The following KIF20B variants were observed in gnomAD, a reference collection of about 807,000 sequenced individuals.
The protein encoded by KIF20B is kinesin-like protein KIF20B.
A neutral mutation model predicts 232.5 loss-of-function variants in KIF20B; 188 were observed. The ratio of observed to expected loss-of-function variants is 0.81; its 90% CI spans 0.72 to 0.91. The LOEUF is 0.91. KIF20B is among the 40% of genes least tolerant of loss of function. The pLI is 0.00. For synonymous variants in KIF20B, 712 were observed against 683.0 expected (o/e 1.04, Z -0.66); for missense variants, 2,154 against 2,055.9 (o/e 1.05, Z -0.92).
Position 89,717,608 on chromosome 10 carries a change from G to T in KIF20B, c.1157G>T (p.Arg386Leu). The T allele has an allele frequency of 1.9e-6, 3 of 1,610,844 alleles. No individual in the cohort carries two copies. The highest frequency in any genetic ancestry group is 2.2e-5 in the South Asian group (2 of 90,316). Residue 386 changes from arginine to leucine, a missense_variant, in exon 11 of 33, where the codon CGA becomes CTA. Arg to Leu is a moderately radical substitution (Grantham distance 102). Coordinates refer to ENST00000371728, the MANE Select transcript of KIF20B (RefSeq NM_001284259.2). ...TTATGTGATCTTGCTGGTTCAGAAC[G>T]AACTATGAAGACACAGAATGAAGGT... ...LSLCDLAGSE[R>L]TMKTQNEGER... is the part of the protein sequence containing the mutation.
intron 16 of KIF20B, 86 bp downstream of exon 16, chr10:89,726,607 T>G (rs1409285481): frequency 8.7e-7 from 1 of 1,148,192 alleles, no homozygotes; most frequent in African/African-American, 1.6e-5. Flanking sequence ...ATGTAGCTCA[T>G]TTACCGTAGT....
chr10:89,711,505 C>T (rs1049465057), intron 6 of KIF20B, among the ~76,000 whole-genome samples: 8 of 151,916 alleles, frequency 5.3e-5, no homozygotes, highest in Non-Finnish European at 1.2e-4. Flanking sequence ...TAAAAGTTTC[C>T]TTTAATTTCA....
In KIF20B at chr10:89,715,193, G is replaced by A; in HGVS notation, c.940+11G>A. On this transcript the variant is annotated intron_variant, in intron 8 of 32. Coordinates refer to ENST00000371728, the MANE Select transcript of KIF20B (RefSeq NM_001284259.2). ...ATTCTTTTATAAAAGGTATACTAAT[G>A]AATATTTTTATCTTATTGCTCTGAA... 6.6e-7 allele frequency: 1 copy of A among 1,507,094 alleles called. No homozygotes were observed. The highest frequency in any genetic ancestry group is 9.1e-7 in the Non-Finnish European group (1 of 1,095,666). 93.4% of individuals were successfully genotyped at this position (1,507,094 alleles called of 1,614,324 possible).
intron 28 of KIF20B, among the ~76,000 whole-genome samples, chr10:89,760,904 A>C (rs911550356): frequency 6.6e-6 from 1 of 152,194 alleles, no homozygotes; most frequent in Non-Finnish European, 1.5e-5. Context: ...TACTAATGAG[A>C]AAATAGGGAT....
At chr10:89,710,217 T>TTC (rs1842809154) in intron 5 of KIF20B, 152 bp downstream of exon 5, 1 of 340,970 alleles carries the variant, frequency 2.9e-6, no homozygotes, top group East Asian at 5.1e-5. Flanking sequence ...GTATTGCTGT[T>TTC]TTTTTTTTTT....
chr10:89,710,213 CTG>C, intron 5 of KIF20B, 148 bp downstream of exon 5: 1 of 441,206 alleles, frequency 2.3e-6, no homozygotes, highest in Non-Finnish European at 3.5e-6. Context: ...TTACGTATTG[CTG>C]TTTTTTTTTT....
chr10:89,751,412 A>C lies in KIF20B; in HGVS notation c.4163A>C (p.Gln1388Pro). ...ACACTAGAAGAACAGGAACAAACTC[A>C]GGTAGAACAGGATCAAGTGCTTGAG... ...RMTLEEQEQT[Q>P]VEQDQVLEAK... Residue 1388 changes from glutamine to proline, a missense_variant, in exon 24 of 33, where the codon CAG (glutamine) becomes CCG (proline). By Grantham distance (76) the Gln-to-Pro change is moderately conservative (BLOSUM62 -1). Coordinates refer to ENST00000371728, the MANE Select transcript of KIF20B (RefSeq NM_001284259.2). 4.4e-6 allele frequency: 7 copies of C among 1,607,888 alleles called. No individual in the cohort carries two copies. Among genetic ancestry groups the C allele is most frequent in the African/African-American group, 1.3e-5 (1 of 74,930 alleles).
intron 29 of KIF20B, among the ~76,000 whole-genome samples, chr10:89,767,144 A>G (rs1842378641): frequency 6.6e-6 from 1 of 150,520 alleles, no homozygotes; most frequent in African/African-American, 2.4e-5. Flanking sequence ...CATGAAAATC[A>G]TTTATGCAAT....
Position 89,772,670 on chromosome 10 carries a change from T to G in KIF20B, c.5243-19T>G. The stretch of plus-strand genomic sequence containing the variant: ...TTAGAAAATTATTTCAGGAACTAAT[T>G]AACAATTTTATTTTATAGCAAAGAA... On this transcript the variant is annotated intron_variant, in intron 31 of 32. Coordinates refer to ENST00000371728, the MANE Select transcript of KIF20B (RefSeq NM_001284259.2). 1 of 1,482,168 alleles carries G rather than the reference T, an allele frequency of 6.7e-7. No homozygotes were observed. The highest frequency in any genetic ancestry group is 9.2e-7 in the Non-Finnish European group (1 of 1,087,730). 91.8% of individuals were successfully genotyped at this position (1,482,168 alleles called of 1,614,324 possible).
chr10:89,745,051 C>CT (rs770329115), intron 22 of KIF20B, among the ~76,000 whole-genome samples: 11 of 152,130 alleles, frequency 7.2e-5, no homozygotes, highest in Non-Finnish European at 1.2e-4. Context: ...GTGGAGAGCT[C>CT]TTTTTTCCTT....
intron 13 of KIF20B, among the ~76,000 whole-genome samples, chr10:89,723,168 G>A (rs1196700600): frequency 6.6e-5 from 10 of 152,248 alleles, no homozygotes; most frequent in African/African-American, 2.4e-4. Context: ...CTGGATAGCT[G>A]TAGAACTATT....
chr10:89,752,303 A>G (rs1252709527), intron 24 of KIF20B, among the ~76,000 whole-genome samples: 1 of 152,096 alleles, frequency 6.6e-6, no homozygotes, highest in Non-Finnish European at 1.5e-5. Flanking sequence ...GAAGTTTTCT[A>G]TATAATAAGG....
At chr10:89,722,673 AAAAT>A (rs1028972798) in intron 13 of KIF20B, among the ~76,000 whole-genome samples, 19 of 152,206 alleles carry the variant, frequency 1.2e-4, no homozygotes, top group Non-Finnish European at 2.6e-4. Flanking sequence ...CGTCTCAAAA[AAAAT>A]AAATAAATAA....
At position 89,758,719 on chromosome 10, in the gene KIF20B, C is replaced by G; in HGVS notation, c.4517C>G (p.Ala1506Gly). The G allele has an allele frequency of 6.3e-7, 1 of 1,586,554 alleles. No homozygotes were observed. The highest frequency in any genetic ancestry group is 8.6e-7 in the Non-Finnish European group (1 of 1,168,210). ...KQQNEMEILT[A>G]QLTEKDSDLQ... ...TTTCCTGATTAGGAAATACTGACAGCCCAGCTGACAGAGAAAGATAGTGAC... is the reference window on the plus strand; with the variant it reads ...TTTCCTGATTAGGAAATACTGACAGGCCAGCTGACAGAGAAAGATAGTGAC... The change falls in exon 27 of 33, where the codon GCC becomes GGC. Residue 1506 changes from alanine (A) to glycine (G), a missense_variant. Ala to Gly is a moderately conservative substitution (Grantham distance 60). Transcript: ENST00000371728.
At chr10:89,727,340 C>G (rs1843213473) in intron 16 of KIF20B, among the ~76,000 whole-genome samples, 2 of 151,262 alleles carry the variant, frequency 1.3e-5, no homozygotes, top group Non-Finnish European at 2.9e-5. Flanking sequence ...TGCAGTTTTC[C>G]ACCTCCTGGG....
At chr10:89,707,432 C>G (rs896487541) in intron 2 of KIF20B, among the ~76,000 whole-genome samples, 1 of 151,978 alleles carries the variant, frequency 6.6e-6, no homozygotes, top group African/African-American at 2.4e-5. Context: ...CATGTTGTTT[C>G]TAAATAAAGA....
intron 23 of KIF20B, among the ~76,000 whole-genome samples, chr10:89,747,699 A>T (rs1841943067): frequency 6.6e-6 from 1 of 151,702 alleles, no homozygotes; most frequent in African/African-American, 2.4e-5. Context: ...GAGCACATGG[A>T]CACAGGAAGG....
At chr10:89,757,803 G>A (rs1332924747) in intron 26 of KIF20B, among the ~76,000 whole-genome samples, 1 of 149,638 alleles carries the variant, frequency 6.7e-6, no homozygotes, top group Non-Finnish European at 1.5e-5. Context: ...GGTTAATTTT[G>A]TATGTGTTGT....
intron 6 of KIF20B, among the ~76,000 whole-genome samples, chr10:89,713,147 G>A (rs1842866606): frequency 1.3e-5 from 2 of 152,004 alleles, no homozygotes. Flanking sequence ...ATCACTTGAG[G>A]CCAGGAGTTG....
Sources: allele counts gnomAD v4.1 joint callset (sites outside exome capture counted in the v4.1 genomes callset), GRCh38; gene constraint gnomAD v4.1.1; transcripts MANE v1.5; gene names NCBI Gene and HGNC (gene_info 2026-07-23, HGNC 2026-07-21).